CABP4: variants seen among roughly 807,000 people sequenced by gnomAD.
CABP4 encodes calcium binding protein 4.
A neutral mutation model predicts 30.7 loss-of-function variants in CABP4; 30 were observed. The ratio of observed to expected loss-of-function variants is 0.98; its 90% confidence interval spans 0.73 to 1.33. The LOEUF (loss-of-function observed/expected upper bound fraction) is 1.33, where lower values mean the gene tolerates loss of function less well. Among genes scored for constraint, CABP4 ranks in the 40% most tolerant of loss-of-function variants. The pLI is 0.00. For synonymous variants in CABP4, 161 were observed against 159.2 expected, an observed-to-expected ratio of 1.01 and a Z score of -0.08; for missense variants, 424 against 395.5, an observed-to-expected ratio of 1.07 and a Z score of -0.61.
upstream of CABP4, chr11:67,453,005 T>A (rs190556325): frequency 2.7e-5 from 7 of 254,844 alleles, no homozygotes; most frequent in African/African-American, 1.4e-4. Context: ...ACCCAGACTT[T>A]TCTTTTCTTT....
At chr11:67,454,139 T>C (rs929011102), upstream of CABP4, among the ~76,000 whole-genome samples, 1 of 151,898 alleles carries the variant, frequency 6.6e-6, no homozygotes, top group Admixed American at 6.6e-5. Flanking sequence ...GGCTCTGCAG[T>C]GGGATGGTGG....
chr11:67,459,844 G>A lies in CABP4; in HGVS notation c.*1185G>A, dbSNP rs183186439. 6.6e-6 allele frequency: 1 copy of A among 152,300 alleles called. No individual in the cohort carries two copies. The highest frequency in any genetic ancestry group is 6.5e-5 in the Admixed American group (1 of 15,294). 9.4% of individuals were successfully genotyped at this position (152,300 alleles called of 1,614,324 possible). Reference sequence around the variant, plus strand: ...CATGCACCTGTAATCTCAGCTACTCGGAGGTTGAGGCAGGAGAATCGCTTG... The same window carrying A: ...CATGCACCTGTAATCTCAGCTACTCAGAGGTTGAGGCAGGAGAATCGCTTG... On this transcript the variant is annotated 3_prime_UTR_variant, in exon 6 of 6. Coordinates refer to ENST00000325656, the MANE Select transcript of CABP4 (RefSeq NM_145200.5).
chr11:67,458,577 C>A (rs1864912092), intron 5 of CABP4, 54 bp from the exon 6 acceptor site: 1 of 1,614,068 alleles, frequency 6.2e-7, no homozygotes, highest in Non-Finnish European at 8.5e-7. Flanking sequence ...GAGCCCAGCA[C>A]CTCCTGGGAT....
chr11:67,457,691 T>C lies in CABP4; in HGVS notation c.651+9T>C, dbSNP rs1300809715. The C allele has an allele frequency of 4.5e-6, 7 of 1,567,064 alleles. No individual in the cohort carries two copies. Among genetic ancestry groups the C allele is most frequent in the Non-Finnish European group, 6.1e-6 (7 of 1,155,338 alleles). On this transcript the variant is annotated intron_variant, in intron 4 of 5. Transcript: ENST00000325656. ...GCATCGCCTTCCGAGAGGTGCGGAGTGTGGTGAGGTGGGCAGAGGGGGGCA... is the reference window on the plus strand; with the variant it reads ...GCATCGCCTTCCGAGAGGTGCGGAGCGTGGTGAGGTGGGCAGAGGGGGGCA...
chr11:67,457,765 GA>G, intron 4 of CABP4, 83 bp downstream of exon 4: 1 of 1,175,624 alleles, frequency 8.5e-7, no homozygotes, highest in Admixed American at 2.0e-5. Flanking sequence ...TCAGCCTTGG[GA>G]AGGCCTAGAG....
rs1864921227 is a variant in CABP4 at position 67,458,717 on chromosome 11, C to T, written c.*58C>T. 1 of 1,605,368 alleles carries T rather than the reference C, an allele frequency of 6.2e-7. No homozygotes were observed. On this transcript the variant is annotated 3_prime_UTR_variant, in exon 6 of 6. Coordinates refer to ENST00000325656, the MANE Select transcript of CABP4 (RefSeq NM_145200.5). ...GCCCCAGACACCAGCCAGACCCAGG[C>T]TGCAGGCCTCCCCCAGGAGCCTCCA... is the stretch of plus-strand genomic sequence containing the variant.
Position 67,458,451 on chromosome 11 carries a change from G to A in CABP4, c.732G>A (p.Ala244=), listed in dbSNP as rs566372218. 6 of 1,613,938 alleles carry A rather than the reference G, an allele frequency of 3.7e-6. No individual in the cohort carries two copies. Among genetic ancestry groups the A allele is most frequent in the African/African-American group, 1.3e-5 (1 of 74,966 alleles). The change falls in exon 5 of 6, where the codon GCG becomes GCA. Residue 244 remains alanine, a synonymous_variant. Coordinates refer to ENST00000325656, the MANE Select transcript of CABP4 (RefSeq NM_145200.5). ...AVPALLGEPL[A]GPELDEMLRE... ...CGGCTCTGCTCGGGGAGCCGCTGGC[G>A]GGTCCTGAGCTGGACGAGATGCTCC...
chr11:67,458,987 G>A lies in CABP4; in HGVS notation c.*328G>A. ...CAGCATTCAGTGGGGACCCCCCAGT[G>A]GCATGATGAATGGAGAGGATGGCTG... On this transcript the variant is annotated 3_prime_UTR_variant, in exon 6 of 6. Coordinates refer to ENST00000325656, the MANE Select transcript of CABP4 (RefSeq NM_145200.5). The A allele has an allele frequency of 4.4e-6, 2 of 457,554 alleles. No homozygotes were observed. Among genetic ancestry groups the A allele is most frequent in the Non-Finnish European group, 8.1e-6 (2 of 247,966 alleles). The allele number at this position is 457,554 out of a possible 1,614,324, so 28.3% of individuals were successfully genotyped here. A position where few individuals can be genotyped will look rare whatever the true frequency, so the allele number is the denominator to read the frequency against.
chr11:67,461,569 C>T lies in CABP4; in HGVS notation c.*2910C>T, dbSNP rs563492120. 2.0e-5 allele frequency: 3 copies of T among 152,300 alleles called. No individual in the cohort carries two copies. Among genetic ancestry groups the T allele is most frequent in the African/African-American group, 7.2e-5 (3 of 41,570 alleles). The allele number at this position is 152,300 out of a possible 1,614,324, so 9.4% of individuals were successfully genotyped here. A position where few individuals can be genotyped will look rare whatever the true frequency, so the allele number is the denominator to read the frequency against. On this transcript the variant is annotated 3_prime_UTR_variant, in exon 6 of 6. Coordinates refer to ENST00000325656, the MANE Select transcript of CABP4 (RefSeq NM_145200.5). ...ATTCACGGTGTTCTGTCAAAGTGTT[C>T]ATGTAGACTAAGGGTGGGGAAACTT...
upstream of CABP4, chr11:67,453,807 C>T (rs190388772): frequency 2.6e-5 from 4 of 152,352 alleles, no homozygotes; most frequent in Non-Finnish European, 4.4e-5. Context: ...CATCACAAGG[C>T]CCCTTTATGC....
upstream of CABP4, chr11:67,452,844 C>G (rs1208563033): frequency 1.8e-5 from 14 of 773,202 alleles, no homozygotes; most frequent in Non-Finnish European, 2.9e-5. Context: ...CCATCCCTCC[C>G]TGCGCCATTG....
chr11:67,452,810 T>C, upstream of CABP4: 2 of 1,079,474 alleles, frequency 1.9e-6, no homozygotes, highest in Non-Finnish European at 2.6e-6. Flanking sequence ...GGAGAGACGG[T>C]GCTGTGCATC....
chr11:67,455,804 G>T lies in CABP4; in HGVS notation c.366+15G>T. 1 of 1,557,684 alleles carries T rather than the reference G, an allele frequency of 6.4e-7. No homozygotes were observed. Among genetic ancestry groups the T allele is most frequent in the Admixed American group, 1.9e-5 (1 of 51,604 alleles). ...TCTTCGGGAAGGTTAGGTGGGACCT[G>T]GATTGGGCTGGGGGTCCTGGGGGTG... On this transcript the variant is annotated intron_variant, in intron 1 of 5. Coordinates refer to ENST00000325656, the MANE Select transcript of CABP4 (RefSeq NM_145200.5).
upstream of CABP4, chr11:67,453,054 G>T (rs529553753): frequency 2.1e-4 from 46 of 223,886 alleles, no homozygotes; most frequent in African/African-American, 1.0e-3. Context: ...TTGCTCTATT[G>T]CCCAGGATGA....
At position 67,458,979 on chromosome 11, in the gene CABP4, C is replaced by T; in HGVS notation, c.*320C>T. On this transcript the variant is annotated 3_prime_UTR_variant, in exon 6 of 6. Coordinates refer to ENST00000325656, the MANE Select transcript of CABP4 (RefSeq NM_145200.5). ...GGCACTGGCAGCATTCAGTGGGGAC[C>T]CCCCAGTGGCATGATGAATGGAGAG... 2.1e-6 allele frequency: 1 copy of T among 471,366 alleles called. No homozygotes were observed. The allele number at this position is 471,366 out of a possible 1,614,324, so 29.2% of individuals were successfully genotyped here.
At chr11:67,456,914 G>T (rs758281187) in intron 3 of CABP4, among the ~76,000 whole-genome samples, 2 of 152,196 alleles carry the variant, frequency 1.3e-5, no homozygotes, top group African/African-American at 4.8e-5. Flanking sequence ...TATGCCTTGC[G>T]ACTCAGTGTC....
At position 67,460,305 on chromosome 11, in the gene CABP4, C is replaced by G. The variant is rs377617797; in HGVS notation, c.*1646C>G. On this transcript the variant is annotated 3_prime_UTR_variant, in exon 6 of 6. Coordinates refer to ENST00000325656, the MANE Select transcript of CABP4 (RefSeq NM_145200.5). ...TGAAACCCTGTCTCTACTAAAAATACAAAAATTAGCCAGGCGTGGTGGTGC... is the reference window on the plus strand; with the variant it reads ...TGAAACCCTGTCTCTACTAAAAATAGAAAAATTAGCCAGGCGTGGTGGTGC... 3 of 151,998 alleles carry G rather than the reference C, an allele frequency of 2.0e-5. No homozygotes were observed. The highest frequency in any genetic ancestry group is 4.8e-5 in the African/African-American group (2 of 41,354). The allele number at this position is 151,998 out of a possible 1,614,324, so 9.4% of individuals were successfully genotyped here.
upstream of CABP4, among the ~76,000 whole-genome samples, chr11:67,453,835 G>C (rs1037445752): frequency 6.6e-6 from 1 of 152,116 alleles, no homozygotes; most frequent in Non-Finnish European, 1.5e-5. Context: ...TCTGGGGTTC[G>C]AGTGTTTAGG....
upstream of CABP4, chr11:67,452,886 A>G (rs1864613036): frequency 4.9e-6 from 3 of 618,174 alleles, no homozygotes; most frequent in African/African-American, 3.7e-5. Flanking sequence ...TCCTATGCCA[A>G]GGACTTGAAG....
Sources: allele counts gnomAD v4.1 joint callset (sites outside exome capture counted in the v4.1 genomes callset), GRCh38; gene constraint gnomAD v4.1.1; transcripts MANE v1.5; gene names NCBI Gene and HGNC (gene_info 2026-07-23, HGNC 2026-07-21).